DIP2C: variants seen among roughly 807,000 people sequenced by gnomAD.
The protein encoded by DIP2C is disco-interacting protein 2 homolog C.
Under a neutral mutation model 192.4 loss-of-function variants are expected in DIP2C, and 33 were observed. That is an observed-to-expected ratio of 0.17 (90% CI 0.13 to 0.23). The LOEUF is 0.23. DIP2C is among the 10% of genes least tolerant of loss of function. The pLI, the probability that DIP2C is intolerant of heterozygous loss-of-function variation, is 1.00. For missense variants in DIP2C, 1,537 were observed against 2,110.1 expected, an observed-to-expected ratio of 0.73 and a Z score of 5.32; for synonymous variants, 979 against 864.1, an observed-to-expected ratio of 1.13 and a Z score of -2.33.
In DIP2C at chr10:424,980, T is replaced by C. The variant is rs201820708; in HGVS notation, c.395-1947A>G. Among the ~76,000 whole-genome samples, 108 of 142,540 alleles carry C rather than the reference T, an allele frequency of 7.6e-4. No homozygotes were observed. In the East Asian group the frequency reaches 7.8e-3, roughly 10 times the overall value. 93.5% of individuals were successfully genotyped at this position (142,540 alleles called of 152,430 possible). A position where few individuals can be genotyped will look rare whatever the true frequency, so the allele number is the denominator to read the frequency against. ...ATACAGCATGACCAGCAGTGACTAA[T>C]ACGACACGGATGATACAGCATGACC... On this transcript the variant is annotated intron_variant, in intron 4 of 36. Coordinates refer to ENST00000280886, the MANE Select transcript of DIP2C (RefSeq NM_014974.3).
At chr10:310,241 C>T (rs1469939629) in intron 31 of DIP2C, 149 bp from the exon 32 acceptor site, 2 of 690,424 alleles carry the variant, frequency 2.9e-6, no homozygotes, top group East Asian at 5.4e-5. Context: ...CTCAAGGCAC[C>T]TGCTAACTTT....
chr10:580,813 A>C (rs1850595916), intron 1 of DIP2C, among the ~76,000 whole-genome samples: 1 of 152,184 alleles, frequency 6.6e-6, no homozygotes, highest in Non-Finnish European at 1.5e-5. Flanking sequence ...AGTGACAAAA[A>C]CACAGTGAGA....
chr10:515,489 A>C (rs1482769676), intron 1 of DIP2C, among the ~76,000 whole-genome samples: 2 of 152,132 alleles, frequency 1.3e-5, no homozygotes. Context: ...TTGGGAGGCC[A>C]AAGTGGGCCA....
In DIP2C at chr10:380,785, G is replaced by A. The variant is rs192370490; in HGVS notation, c.1991+1862C>T. 5.5e-4 allele frequency among the ~76,000 whole-genome samples: 84 copies of A among 152,262 alleles called. 1 individual carries two copies. Among genetic ancestry groups the A allele is most frequent in the South Asian group, 4.1e-4 (2 of 4,826 alleles). On this transcript the variant is annotated intron_variant, in intron 17 of 36. Coordinates refer to ENST00000280886, the MANE Select transcript of DIP2C (RefSeq NM_014974.3). ...CAGACCTCACTTAGTACAGCTTTACGGAATGTACGAAAGCCGTTTTTCACT... is the reference window on the plus strand; with the variant it reads ...CAGACCTCACTTAGTACAGCTTTACAGAATGTACGAAAGCCGTTTTTCACT...
chr10:509,222 G>C (rs1265883254), intron 1 of DIP2C, among the ~76,000 whole-genome samples: 7 of 152,180 alleles, frequency 4.6e-5, no homozygotes, highest in African/African-American at 1.7e-4. Context: ...CCGGGGAGGG[G>C]CATAGAGGAG....
chr10:483,047 G>A (rs1336740382), intron 2 of DIP2C, among the ~76,000 whole-genome samples: 2 of 152,168 alleles, frequency 1.3e-5, no homozygotes, highest in South Asian at 2.1e-4. Context: ...CAGCACCAAC[G>A]CTCACTTCTG....
intron 1 of DIP2C, among the ~76,000 whole-genome samples, chr10:579,287 T>A (rs1850409551): frequency 6.6e-6 from 1 of 150,848 alleles, no homozygotes; most frequent in Non-Finnish European, 1.5e-5. Context: ...CACATCCAGA[T>A]TCATGTAGTG....
chr10:515,180 C>A (rs1032132757), intron 1 of DIP2C, among the ~76,000 whole-genome samples: 4 of 152,130 alleles, frequency 2.6e-5, no homozygotes, highest in African/African-American at 9.7e-5. Context: ...ACAAATGCAG[C>A]TGAGTTTTAA....
chr10:452,661 C>A (rs1443809216), intron 3 of DIP2C, among the ~76,000 whole-genome samples: 1 of 152,218 alleles, frequency 6.6e-6, no homozygotes, highest in Non-Finnish European at 1.5e-5. Flanking sequence ...CCACGATGGC[C>A]CCCTGGTTCC....
At chr10:413,788 A>G (rs1309103543) in intron 8 of DIP2C, 125 bp downstream of exon 8, 1 of 1,249,898 alleles carries the variant, frequency 8.0e-7, no homozygotes, top group African/African-American at 1.5e-5. Flanking sequence ...GGGCGTGGGC[A>G]AAGGGCAGAG....
chr10:559,490 A>G (rs1849085801), intron 1 of DIP2C, among the ~76,000 whole-genome samples: 1 of 152,190 alleles, frequency 6.6e-6, no homozygotes. Context: ...GACCTGGGTT[A>G]ATCGGCACCT....
At chr10:657,465 G>C (rs1456511161) in intron 1 of DIP2C, among the ~76,000 whole-genome samples, 2 of 12,108 alleles carry the variant, frequency 1.7e-4, no homozygotes, top group African/African-American at 3.7e-4. Flanking sequence ...TGCTGGACCT[G>C]TCCCTGGACC....
intron 17 of DIP2C, among the ~76,000 whole-genome samples, chr10:376,468 T>C (rs777498997): frequency 1.4e-5 from 2 of 143,458 alleles, no homozygotes; most frequent in Non-Finnish European, 3.0e-5. Flanking sequence ...CCAGACAAAA[T>C]GCGAAGTTAC....
intron 29 of DIP2C, among the ~76,000 whole-genome samples, chr10:331,023 C>T (rs1957483248): frequency 6.8e-6 from 1 of 147,668 alleles, no homozygotes; most frequent in Non-Finnish European, 1.5e-5. Context: ...GTATTGTTGC[C>T]CAGGCTGGTC....
intron 9 of DIP2C, 65 bp downstream of exon 9, chr10:408,861 C>T: frequency 6.6e-7 from 1 of 1,526,098 alleles, no homozygotes; most frequent in South Asian, 1.2e-5. Context: ...AATGTTTAAA[C>T]AGTGGGCACC....
intron 29 of DIP2C, among the ~76,000 whole-genome samples, chr10:337,668 CGT>C (rs1304939484): frequency 5.1e-5 from 5 of 97,500 alleles, no homozygotes; most frequent in Admixed American, 1.2e-4. Flanking sequence ...TGTGTGTACG[CGT>C]GTGTGTTGTG....
At chr10:442,324 C>T (rs113551601) in intron 3 of DIP2C, among the ~76,000 whole-genome samples, 1 of 152,078 alleles carries the variant, frequency 6.6e-6, no homozygotes, top group Non-Finnish European at 1.5e-5. Flanking sequence ...CAGCTCATCA[C>T]ACTGCTTGGT....
intron 18 of DIP2C, among the ~76,000 whole-genome samples, chr10:367,481 A>T (rs903313301): frequency 6.6e-6 from 1 of 152,140 alleles, no homozygotes; most frequent in Non-Finnish European, 1.5e-5. Flanking sequence ...TCAGATTGGT[A>T]AAAACAAAAG....
chr10:394,336 GGAA>G (rs1963769078), intron 10 of DIP2C, among the ~76,000 whole-genome samples: 4 of 141,886 alleles, frequency 2.8e-5, no homozygotes, highest in Admixed American at 1.4e-4. Flanking sequence ...GTGCTGAACT[GGAA>G]GGACATTATG....
Sources: gnomAD v4.1 joint callset for allele counts (sites outside exome capture counted in the v4.1 genomes callset) on GRCh38, gnomAD v4.1.1 for gene constraint, MANE v1.5 for transcripts, NCBI Gene and HGNC (gene_info 2026-07-23, HGNC 2026-07-21) for gene names.